Variants in DMD observed in about 807,000 individuals in gnomAD.
The protein encoded by DMD is dystrophin, also known as mutant dystrophin.
A neutral mutation model predicts 330.1 loss-of-function variants in DMD; 63 were observed. That is an observed-to-expected ratio of 0.19 (90% CI 0.16 to 0.24). The LOEUF (loss-of-function observed/expected upper bound fraction) is 0.24, where lower values mean the gene tolerates loss of function less well. Ranked by LOEUF, DMD falls within the 10% of genes least tolerant of loss-of-function variation. DMD has a pLI of 1.00. For missense variants in DMD, 3,344 were observed against 2,684.1 expected, an observed-to-expected ratio of 1.25 and a Z score of -5.43; for synonymous variants, 1,223 against 959.8, an observed-to-expected ratio of 1.27 and a Z score of -5.07.
intron 2 of DMD, among the ~76,000 whole-genome samples, chrX:32,932,759 T>A (rs778679196): frequency 1.8e-5 from 2 of 111,692 alleles, no homozygotes; most frequent in Admixed American, 9.5e-5. Context: ...TTACAGGGTG[T>A]ATCTGACTAC....
intron 44 of DMD, among the ~76,000 whole-genome samples, chrX:32,043,555 T>G (rs1205897376): frequency 1.8e-5 from 2 of 112,268 alleles, no homozygotes; most frequent in Non-Finnish European, 3.8e-5. Context: ...CTTGCATAAA[T>G]AATTAAAATA....
At chrX:31,756,194 C>A (rs1182067944) in intron 51 of DMD, among the ~76,000 whole-genome samples, 1 of 111,772 alleles carries the variant, frequency 8.9e-6, no homozygotes, top group Non-Finnish European at 1.9e-5. Flanking sequence ...TCCTCTCTGA[C>A]ATTTTTATCT....
chrX:31,800,219 G>A (rs1396923004), intron 50 of DMD, among the ~76,000 whole-genome samples: 1 of 112,751 alleles, frequency 8.9e-6, no homozygotes, highest in African/African-American at 3.2e-5. Context: ...TCCCAGCAGA[G>A]AGGTTTTCCA....
chrX:31,565,233 C>G (rs2075404099), intron 55 of DMD, among the ~76,000 whole-genome samples: 1 of 111,194 alleles, frequency 9.0e-6, no homozygotes, highest in Non-Finnish European at 1.9e-5. Context: ...AGAACAGTTC[C>G]AACACTACAA....
In DMD at chrX:32,734,716, C is replaced by G. The variant is rs200714214; in HGVS notation, c.650-35423G>C. ...AAGGCCTTTGACAAAATTCAACAAC[C>G]CTTCATGCTAAAAACTCTCAGTAAA... On this transcript the variant is annotated intron_variant, in intron 7 of 78. Coordinates refer to ENST00000357033, the MANE Select transcript of DMD (RefSeq NM_004006.3). Among the ~76,000 whole-genome samples, 62 of 109,868 alleles carry G rather than the reference C, an allele frequency of 5.6e-4. No individual in the cohort carries two copies. The East Asian group carries it at 0.014, about 25-fold the overall frequency.
At chrX:32,032,452 G>T (rs1026970858) in intron 44 of DMD, among the ~76,000 whole-genome samples, 4 of 111,342 alleles carry the variant, frequency 3.6e-5, no homozygotes, top group African/African-American at 1.3e-4. Flanking sequence ...ATACTTTTTA[G>T]ATTGCTCAAT....
intron 44 of DMD, among the ~76,000 whole-genome samples, chrX:32,190,550 T>TTATATATA (rs753482446): frequency 0.028 from 1,756 of 62,392 alleles, 39 homozygotes; most frequent in African/African-American, 0.044. Context: ...ATTTAAAATT[T>TTATATATA]TATATATATA....
At chrX:32,756,388 A>G (rs746951143) in intron 7 of DMD, 79 of 111,727 alleles carry the variant, frequency 7.1e-4, no homozygotes, top group African/African-American at 2.3e-3. Context: ...GTGAATGTCT[A>G]GTAGGTCAGA....
Position 32,865,657 on chromosome X carries a change from A to T in DMD, c.94-15837T>A, listed in dbSNP as rs1329894037. On this transcript the variant is annotated intron_variant, in intron 2 of 78. Coordinates refer to ENST00000357033, the MANE Select transcript of DMD (RefSeq NM_004006.3). Reference sequence around the variant, plus strand: ...AAATGTCTGCTTGTCTTTTCTTTTCACCCTTTCAAACATAACTAATTTTGA... The same window carrying T: ...AAATGTCTGCTTGTCTTTTCTTTTCTCCCTTTCAAACATAACTAATTTTGA... Among the ~76,000 whole-genome samples, 3 of 112,394 alleles carry T rather than the reference A, an allele frequency of 2.7e-5. No homozygotes were observed. The South Asian group carries it at 1.1e-3, about 41-fold the overall frequency.
At chrX:33,099,973 T>C (rs1279800645) in intron 1 of DMD, among the ~76,000 whole-genome samples, 1 of 111,783 alleles carries the variant, frequency 8.9e-6, no homozygotes, top group Non-Finnish European at 1.9e-5. Flanking sequence ...AAAGCCAAAA[T>C]TACATAATAG....
At chrX:31,934,182 A>T (rs1275184629) in intron 45 of DMD, among the ~76,000 whole-genome samples, 1 of 112,040 alleles carries the variant, frequency 8.9e-6, no homozygotes, top group East Asian at 2.8e-4. Context: ...CCCAGAGAAG[A>T]TAATGATCTG....
At chrX:32,280,017 GTACCCCACATATATATA>G (rs2097410267) in intron 43 of DMD, among the ~76,000 whole-genome samples, 1 of 71,479 alleles carries the variant, frequency 1.4e-5, no homozygotes, top group African/African-American at 5.7e-5. Flanking sequence ...ATATATATAT[GTACCCCACATATATATA>G]TACCCCACAT....
chrX:32,623,482 C>CT (rs1311093927), intron 11 of DMD, among the ~76,000 whole-genome samples: 11 of 109,603 alleles, frequency 1.0e-4, no homozygotes, highest in East Asian at 2.9e-4. Flanking sequence ...ATTTATTCAA[C>CT]TTTTTTTAAC....
chrX:31,795,105 G>A (rs2149327120), intron 50 of DMD, among the ~76,000 whole-genome samples: 1 of 111,080 alleles, frequency 9.0e-6, no homozygotes, highest in African/African-American at 3.3e-5. Flanking sequence ...CTGAAATTCT[G>A]CTTTCTAGGA....
intron 59 of DMD, among the ~76,000 whole-genome samples, chrX:31,453,765 C>CAAAAAAAAAAAGAAA (rs2065935393): frequency 2.2e-4 from 2 of 8,981 alleles, no homozygotes; most frequent in Admixed American, 2.4e-3. Context: ...AAAAAACAAG[C>CAAAAAAAAAAAGAAA]AAAAAAAAAA....
chrX:32,130,040 C>A (rs892159521), intron 44 of DMD, among the ~76,000 whole-genome samples: 1 of 107,233 alleles, frequency 9.3e-6, no homozygotes, highest in Non-Finnish European at 1.9e-5. Flanking sequence ...TTTTTTCCCC[C>A]TTACGCTTTA....
chrX:32,424,180 C>T (rs1337176156), intron 29 of DMD, among the ~76,000 whole-genome samples: 2 of 109,798 alleles, frequency 1.8e-5, no homozygotes, highest in Non-Finnish European at 3.8e-5. Flanking sequence ...CAGAGGTCTG[C>T]CATAATAGTC....
intron 43 of DMD, among the ~76,000 whole-genome samples, chrX:32,274,992 G>A (rs773722435): frequency 5.4e-5 from 6 of 111,479 alleles, no homozygotes; most frequent in Non-Finnish European, 1.1e-4. Context: ...ATTTTGGGTT[G>A]CTGGGTGGAA....
chrX:32,716,644 G>A (rs1301890665), intron 7 of DMD, among the ~76,000 whole-genome samples: 2 of 111,002 alleles, frequency 1.8e-5, no homozygotes, highest in East Asian at 5.7e-4. Context: ...GCACACGTTG[G>A]AACAGTGTGG....
Sources: allele counts gnomAD v4.1 joint callset (sites outside exome capture counted in the v4.1 genomes callset), GRCh38; gene constraint gnomAD v4.1.1; transcripts MANE v1.5; gene names NCBI Gene and HGNC (gene_info 2026-07-23, HGNC 2026-07-21).